Variants in SNRPN observed in about 807,000 individuals in gnomAD.
SNRPN encodes small nuclear ribonucleoprotein polypeptide N.
A neutral mutation model predicts 25.2 loss-of-function variants in SNRPN; 7 were observed. That is an observed-to-expected ratio of 0.28 (90% CI 0.16 to 0.52). The LOEUF is 0.52. Among genes scored for constraint, SNRPN ranks in the 20% least tolerant of loss-of-function variants. The pLI is 0.96. For synonymous variants in SNRPN, 124 were observed against 110.6 expected (o/e 1.12, Z -0.76); for missense variants, 196 against 322.5 (o/e 0.61, Z 3.00).
chr15:24,955,920 T>G (rs2062787035), intron 1 of SNRPN, among the ~76,000 whole-genome samples: 1 of 151,656 alleles, frequency 6.6e-6, no homozygotes, highest in African/African-American at 2.4e-5. Flanking sequence ...GAATGATTGC[T>G]GTGTAGAGGA....
At chr15:24,950,939 C>T (rs750007887), upstream of SNRPN, among the ~76,000 whole-genome samples, 1 of 151,706 alleles carries the variant, frequency 6.6e-6, no homozygotes. Flanking sequence ...TCCCTCACCG[C>T]GACCTCTGCC....
At chr15:24,954,471 A>AGTAGAAAAAGG (rs1297836275), upstream of SNRPN, among the ~76,000 whole-genome samples, 3 of 152,356 alleles carry the variant, frequency 2.0e-5, no homozygotes, top group African/African-American at 7.2e-5. Flanking sequence ...AAATGTAGAA[A>AGTAGAAAAAGG]GTAGAAAAAG....
intron 1 of SNRPN, among the ~76,000 whole-genome samples, chr15:24,880,101 A>C (rs536247879): frequency 8.5e-5 from 13 of 152,312 alleles, no homozygotes; most frequent in African/African-American, 3.1e-4. Flanking sequence ...AGAGAAAAAA[A>C]GGAAAATGGT....
chr15:24,887,503 A>G (rs961628088), intron 2 of SNRPN, among the ~76,000 whole-genome samples: 1 of 146,482 alleles, frequency 6.8e-6, no homozygotes, highest in Admixed American at 6.8e-5. Context: ...GCATCAGTCC[A>G]TGTATTATAA....
chr15:24,895,409 A>G (rs963869557), intron 2 of SNRPN, among the ~76,000 whole-genome samples: 14 of 80,764 alleles, frequency 1.7e-4, no homozygotes, highest in African/African-American at 9.1e-4. Context: ...AAACACACAC[A>G]CACACACACA....
intron 3 of SNRPN, among the ~76,000 whole-genome samples, chr15:24,925,607 G>A (rs566903509): frequency 1.0e-3 from 156 of 151,992 alleles, no homozygotes; most frequent in Non-Finnish European, 1.9e-3. Context: ...ATTTATTATT[G>A]TTGTTGTTTA....
intron 1 of SNRPN, 126 bp downstream of exon 1, chr15:24,955,188 G>T: frequency 1.5e-6 from 2 of 1,299,014 alleles, no homozygotes; most frequent in Non-Finnish European, 2.2e-6. Context: ...AAAGTCCTTT[G>T]TTCTGGAGAA....
intron 2 of SNRPN, among the ~76,000 whole-genome samples, chr15:24,917,064 C>T (rs1254775329): frequency 1.3e-5 from 2 of 152,096 alleles, no homozygotes; most frequent in African/African-American, 4.8e-5. Context: ...GCTGATTGGT[C>T]CATTTTACAA....
At position 24,845,099 on chromosome 15, in the gene SNRPN, C is replaced by T. The variant is rs144515613; in HGVS notation, c.-579+15194C>T. Among the ~76,000 whole-genome samples, 832 of 152,106 alleles carry T rather than the reference C, an allele frequency of 5.5e-3. 4 individuals are homozygous for T. Among genetic ancestry groups the T allele is most frequent in the Non-Finnish European group, 8.8e-3 (596 of 68,002 alleles). ...CTTCAATTCAAGAAAATTGAATTTC[C>T]GTGGCACATGAGTCAAAAACCTACC... On this transcript the variant is annotated intron_variant, in intron 2 of 12. Coordinates refer to the SNRPN transcript ENST00000400100.
chr15:24,869,931 T>C (rs951754523), intron 1 of SNRPN, among the ~76,000 whole-genome samples: 1 of 152,170 alleles, frequency 6.6e-6, no homozygotes, highest in African/African-American at 2.4e-5. Flanking sequence ...TTTCATACCA[T>C]TTATTTATAC....
At chr15:24,837,571 G>A (rs376392434) in intron 2 of SNRPN, among the ~76,000 whole-genome samples, 10 of 151,586 alleles carry the variant, frequency 6.6e-5, no homozygotes, top group African/African-American at 1.2e-4. Context: ...GGGTTTCACC[G>A]TGTTAGCTAG....
At chr15:24,975,813 C>T (rs1197121236) in intron 5 of SNRPN, among the ~76,000 whole-genome samples, 1 of 152,178 alleles carries the variant, frequency 6.6e-6, no homozygotes, top group African/African-American at 2.4e-5. Flanking sequence ...TTGGCTTCTG[C>T]AGCAGTCTTA....
intron 8 of SNRPN, 85 bp downstream of exon 8, chr15:24,978,001 G>A: frequency 7.5e-7 from 1 of 1,335,218 alleles, no homozygotes; most frequent in Non-Finnish European, 1.0e-6. Context: ...GAGAGCCTAA[G>A]AATTTGGGGA....
At chr15:24,838,550 C>T (rs576873279) in intron 2 of SNRPN, among the ~76,000 whole-genome samples, 128 of 152,162 alleles carry the variant, frequency 8.4e-4, no homozygotes, top group Admixed American at 2.0e-3. Context: ...TTACGAGATT[C>T]GTTCCCACCT....
At chr15:24,961,030 C>T (rs1186762620) in intron 1 of SNRPN, among the ~76,000 whole-genome samples, 5 of 151,794 alleles carry the variant, frequency 3.3e-5, no homozygotes, top group Admixed American at 2.0e-4. Flanking sequence ...ATATTTTTTC[C>T]TATTCTGGTT....
At chr15:24,963,193 A>G (rs1050358649) in intron 2 of SNRPN, among the ~76,000 whole-genome samples, 2 of 152,238 alleles carry the variant, frequency 1.3e-5, no homozygotes, top group African/African-American at 2.4e-5. Flanking sequence ...ATCAGTACAC[A>G]TAAATCTACC....
Position 24,882,714 on chromosome 15 carries a change from A to C in SNRPN, c.-578-3802A>C, listed in dbSNP as rs564701957. On this transcript the variant is annotated intron_variant, in intron 1 of 11. Transcript: ENST00000400097. ...GTGGTGCACATCTGTAATCCCAGCT[A>C]CTCAGGAGGCTGAGGAGAAGAATCG... 4.0e-5 allele frequency among the ~76,000 whole-genome samples: 6 copies of C among 151,872 alleles called. No homozygotes were observed. The South Asian group carries it at 1.3e-3, about 32-fold the overall frequency.
chr15:24,950,646 C>A, upstream of SNRPN, among the ~76,000 whole-genome samples: 1 of 146,330 alleles, frequency 6.8e-6, no homozygotes. Flanking sequence ...CTCTCAGGCT[C>A]AAGTGATTCT....
chr15:24,867,010 A>G (rs2054629702), intron 1 of SNRPN, among the ~76,000 whole-genome samples: 1 of 152,184 alleles, frequency 6.6e-6, no homozygotes, highest in African/African-American at 2.4e-5. Context: ...TGAAGTCACC[A>G]ACTATAATAG....
Sources: gnomAD v4.1 joint callset for allele counts (sites outside exome capture counted in the v4.1 genomes callset) on GRCh38, gnomAD v4.1.1 for gene constraint, MANE v1.5 for transcripts, NCBI Gene and HGNC (gene_info 2026-07-23, HGNC 2026-07-21) for gene names.